TAFA1: variants seen among roughly 807,000 people sequenced by gnomAD.
The protein encoded by TAFA1 is chemokine-like protein TAFA-1.
TAFA1 carries 4 observed loss-of-function variants against 18.5 expected under a neutral mutation model. The ratio of observed to expected loss-of-function variants is 0.22; its 90% CI spans 0.11 to 0.49. TAFA1 has a LOEUF of 0.49. Among genes scored for constraint, TAFA1 ranks in the 20% least tolerant of loss-of-function variants. The pLI is 0.98. For missense variants in TAFA1, 147 were observed against 169.0 expected (o/e 0.87, Z 0.72); for synonymous variants, 56 against 55.2 (o/e 1.01, Z -0.06).
intron 2 of TAFA1, among the ~76,000 whole-genome samples, chr3:68,062,429 G>T (rs916052171): frequency 6.6e-6 from 1 of 152,110 alleles, no homozygotes; most frequent in Middle Eastern, 3.2e-3. Context: ...AAAATAATGC[G>T]CAGGTCCTGA....
At chr3:68,339,420 C>A (rs1192116820) in intron 2 of TAFA1, among the ~76,000 whole-genome samples, 1 of 152,072 alleles carries the variant, frequency 6.6e-6, no homozygotes, top group Non-Finnish European at 1.5e-5. Flanking sequence ...ATGATTATGG[C>A]AATATGGATA....
chr3:68,297,809 T>C (rs2068237251), intron 2 of TAFA1, among the ~76,000 whole-genome samples: 1 of 152,134 alleles, frequency 6.6e-6, no homozygotes, highest in Non-Finnish European at 1.5e-5. Flanking sequence ...TTCTTTTGCT[T>C]TCCTCCTTGT....
intron 3 of TAFA1, among the ~76,000 whole-genome samples, chr3:68,480,941 C>A (rs183199542): frequency 9.9e-5 from 15 of 152,202 alleles, no homozygotes; most frequent in African/African-American, 3.6e-4. Context: ...TTATAAGGGG[C>A]AACCCGTTTT....
At chr3:68,465,972 G>T (rs537162032) in intron 3 of TAFA1, among the ~76,000 whole-genome samples, 58 of 152,250 alleles carry the variant, frequency 3.8e-4, no homozygotes, top group African/African-American at 1.4e-3. Context: ...AAGACGATTG[G>T]ATATCTGCCT....
intron 2 of TAFA1, among the ~76,000 whole-genome samples, chr3:68,238,165 C>T (rs1239547927): frequency 6.6e-6 from 1 of 152,098 alleles, no homozygotes. Flanking sequence ...GTCTAGTTCA[C>T]ACCCGTTGAG....
intron 2 of TAFA1, among the ~76,000 whole-genome samples, chr3:68,337,266 T>A (rs941814237): frequency 6.6e-6 from 1 of 152,062 alleles, no homozygotes; most frequent in Non-Finnish European, 1.5e-5. Flanking sequence ...GCAAGTCCTA[T>A]GTGGCTGGAG....
intron 2 of TAFA1, among the ~76,000 whole-genome samples, chr3:68,187,215 A>G (rs1024371185): frequency 3.3e-5 from 5 of 152,044 alleles, no homozygotes; most frequent in African/African-American, 1.2e-4. Context: ...GTTTATAAGC[A>G]GCCTCTCATT....
intron 2 of TAFA1, among the ~76,000 whole-genome samples, chr3:68,131,025 A>G (rs1043344455): frequency 2.6e-5 from 4 of 152,098 alleles, no homozygotes; most frequent in Admixed American, 2.6e-4. Context: ...CGACTTCACC[A>G]TTTCATCCTT....
chr3:68,212,647 C>A (rs2066610671), intron 2 of TAFA1, among the ~76,000 whole-genome samples: 1 of 151,986 alleles, frequency 6.6e-6, no homozygotes, highest in Non-Finnish European at 1.5e-5. Flanking sequence ...CAGCTTTTAT[C>A]CCCTTTCAGA....
rs891416198 is a variant in TAFA1 at position 68,487,497 on chromosome 3, T to C, written c.260-51259T>C. ...GCGTGGTAGCTTACACCTGTAATCC[T>C]AGCACTTTGGGAGGCCGAGGCGGGC... On this transcript the variant is annotated intron_variant, in intron 3 of 4. Transcript: ENST00000478136. Among the ~76,000 whole-genome samples the C allele has an allele frequency of 8.6e-5, 13 of 152,004 alleles. No individual in the cohort carries two copies. In the South Asian group the frequency reaches 1.0e-3, roughly 12 times the overall value.
intron 2 of TAFA1, among the ~76,000 whole-genome samples, chr3:68,118,246 C>T (rs140244420): frequency 2.1e-3 from 313 of 152,230 alleles, no homozygotes; most frequent in Non-Finnish European, 3.8e-3. Flanking sequence ...ATCAGGCATT[C>T]GATTCTCAAG....
chr3:68,438,613 C>A (rs1046212035), intron 3 of TAFA1, among the ~76,000 whole-genome samples: 1 of 152,080 alleles, frequency 6.6e-6, no homozygotes, highest in Admixed American at 6.6e-5. Context: ...ACCTTCAACG[C>A]ACCTTTCCAC....
chr3:68,084,832 A>G (rs1575608464), intron 2 of TAFA1, among the ~76,000 whole-genome samples: 3 of 152,060 alleles, frequency 2.0e-5, no homozygotes, highest in East Asian at 3.9e-4. Context: ...CCAAATAACA[A>G]AAAGTAGCCC....
chr3:68,475,222 A>G (rs1466271891), intron 3 of TAFA1, among the ~76,000 whole-genome samples: 1 of 151,840 alleles, frequency 6.6e-6, no homozygotes, highest in Admixed American at 6.6e-5. Context: ...GGTTTGTTAC[A>G]TATGTATACA....
intron 2 of TAFA1, among the ~76,000 whole-genome samples, chr3:68,062,873 G>A (rs2064622229): frequency 6.6e-6 from 1 of 152,196 alleles, no homozygotes. Context: ...GGGAAATAGT[G>A]ACACCAAAAG....
At chr3:68,346,997 G>GTTCTTTTGCATTAGTCC (rs150169742) in intron 2 of TAFA1, among the ~76,000 whole-genome samples, 3,566 of 152,216 alleles carry the variant, frequency 0.023, 64 homozygotes, top group East Asian at 0.093. Flanking sequence ...TTCTCAGAAG[G>GTTCTTTTGCATTAGTCC]TTCTTTTGCA....
chr3:68,183,590 A>G (rs1298351325), intron 2 of TAFA1, among the ~76,000 whole-genome samples: 1 of 152,136 alleles, frequency 6.6e-6, no homozygotes. Flanking sequence ...TGCCCTCAAC[A>G]GTGAGAAGGT....
At chr3:68,173,758 G>A (rs1219442692) in intron 2 of TAFA1, among the ~76,000 whole-genome samples, 13 of 151,876 alleles carry the variant, frequency 8.6e-5, no homozygotes, top group Non-Finnish European at 1.5e-5. Context: ...TTGGTTTTTT[G>A]CCTTCCTTTA....
At chr3:68,492,069 A>G (rs2072464410) in intron 3 of TAFA1, among the ~76,000 whole-genome samples, 1 of 152,340 alleles carries the variant, frequency 6.6e-6, no homozygotes, top group Non-Finnish European at 1.5e-5. Context: ...GTACTTACAT[A>G]TTATGATCAG....
Sources: allele counts gnomAD v4.1 joint callset (sites outside exome capture counted in the v4.1 genomes callset), GRCh38; gene constraint gnomAD v4.1.1; transcripts MANE v1.5; gene names NCBI Gene and HGNC (gene_info 2026-07-23, HGNC 2026-07-21).